The following TMEM108 variants were observed in gnomAD, a reference collection of about 807,000 sequenced individuals.
TMEM108 encodes the protein cancer/testis antigen 124.
A neutral mutation model predicts 35.1 loss-of-function variants in TMEM108; 12 were observed. That is an observed-to-expected ratio of 0.34 (90% CI 0.22 to 0.55). The LOEUF (loss-of-function observed/expected upper bound fraction) is 0.55, where lower values mean the gene tolerates loss of function less well. Ranked by LOEUF, TMEM108 falls within the 20% of genes least tolerant of loss-of-function variation. The pLI, the probability that TMEM108 is intolerant of heterozygous loss-of-function variation, is 0.89. For missense variants in TMEM108, 680 were observed against 753.3 expected, an observed-to-expected ratio of 0.90 and a Z score of 1.14; for synonymous variants, 287 against 308.6, an observed-to-expected ratio of 0.93 and a Z score of 0.73.
intron 3 of TMEM108, among the ~76,000 whole-genome samples, chr3:133,250,970 A>G (rs542318175): frequency 6.6e-6 from 1 of 152,286 alleles, no homozygotes; most frequent in Non-Finnish European, 1.5e-5. Flanking sequence ...CATGTTATCA[A>G]GACAAGAATC....
At chr3:133,172,806 G>C (rs1945149812) in intron 2 of TMEM108, among the ~76,000 whole-genome samples, 1 of 152,192 alleles carries the variant, frequency 6.6e-6, no homozygotes, top group South Asian at 2.1e-4. Flanking sequence ...TATTGCAGGA[G>C]GGACCTGGTG....
chr3:133,324,907 CGGA>C (rs1282124413), intron 3 of TMEM108, among the ~76,000 whole-genome samples: 1 of 152,070 alleles, frequency 6.6e-6, no homozygotes, highest in Non-Finnish European at 1.5e-5. Context: ...ACCTGGGAGA[CGGA>C]GGTTACAGTG....
intron 3 of TMEM108, among the ~76,000 whole-genome samples, chr3:133,295,031 A>G (rs553785097): frequency 9.2e-5 from 14 of 152,338 alleles, no homozygotes; most frequent in African/African-American, 3.4e-4. Flanking sequence ...TTTATGAAGT[A>G]TCCCCTCCCC....
At chr3:133,044,777 G>C (rs1040545380) in intron 1 of TMEM108, among the ~76,000 whole-genome samples, 19 of 152,260 alleles carry the variant, frequency 1.2e-4, no homozygotes, top group Non-Finnish European at 2.6e-4. Flanking sequence ...AACATAGTGA[G>C]ACTCCATCAC....
At chr3:133,174,873 A>T (rs1398392867) in intron 2 of TMEM108, among the ~76,000 whole-genome samples, 1 of 151,824 alleles carries the variant, frequency 6.6e-6, no homozygotes, top group Non-Finnish European at 1.5e-5. Context: ...CAATCAAACT[A>T]CTCCGAGCTA....
At chr3:133,187,989 A>T (rs947784587) in intron 2 of TMEM108, among the ~76,000 whole-genome samples, 1 of 151,162 alleles carries the variant, frequency 6.6e-6, no homozygotes, top group Non-Finnish European at 1.5e-5. Flanking sequence ...GCTGTCTTTT[A>T]GAGTTAATTT....
chr3:133,344,412 C>G (rs7613720), intron 3 of TMEM108, among the ~76,000 whole-genome samples: 1 of 151,456 alleles, frequency 6.6e-6, no homozygotes, highest in African/African-American at 2.4e-5. Flanking sequence ...TATAGAAATA[C>G]TTAAGGCATA....
At chr3:133,255,087 C>T (rs1946526824) in intron 3 of TMEM108, among the ~76,000 whole-genome samples, 1 of 152,178 alleles carries the variant, frequency 6.6e-6, no homozygotes, top group African/African-American at 2.4e-5. Context: ...TCTAACCTAC[C>T]TTCAGAGTCA....
At chr3:133,122,803 C>T (rs1282661153) in intron 2 of TMEM108, among the ~76,000 whole-genome samples, 3 of 141,842 alleles carry the variant, frequency 2.1e-5, no homozygotes, top group Admixed American at 7.7e-5. Context: ...GCAGAGCTTG[C>T]GGTGAGCTGA....
chr3:133,365,526 C>T (rs1280161339), intron 3 of TMEM108, among the ~76,000 whole-genome samples: 1 of 152,146 alleles, frequency 6.6e-6, no homozygotes, highest in African/African-American at 2.4e-5. Context: ...AAGCAAATCT[C>T]AGAGGCAAGG....
intron 3 of TMEM108, among the ~76,000 whole-genome samples, chr3:133,276,594 G>T (rs895040224): frequency 2.0e-5 from 3 of 152,270 alleles, no homozygotes; most frequent in African/African-American, 7.2e-5. Flanking sequence ...TGATTTGGGG[G>T]TTTCTTAATC....
Position 133,386,816 on chromosome 3 carries a change from A to G in TMEM108, c.1451-3364A>G, listed in dbSNP as rs143799412. The G allele has an allele frequency of 1.5e-3, 1,073 of 733,792 alleles. 2 individuals are homozygous for G. The highest frequency in any genetic ancestry group is 1.7e-3 in the Non-Finnish European group (1,014 of 588,336). The allele number at this position is 733,792 out of a possible 1,614,324, so 45.5% of individuals were successfully genotyped here. ...TACAGGATAGTGGATATCAACTTGA[A>G]GATCATCAAGACCTGGACTCAAGTT... On this transcript the variant is annotated intron_variant, in intron 4 of 5. Coordinates refer to ENST00000321871, the MANE Select transcript of TMEM108 (RefSeq NM_023943.4).
At chr3:133,333,703 G>A (rs2071432704) in intron 3 of TMEM108, among the ~76,000 whole-genome samples, 1 of 152,188 alleles carries the variant, frequency 6.6e-6, no homozygotes, top group Non-Finnish European at 1.5e-5. Context: ...AAAAAAGAAA[G>A]TTTTAAACAT....
intron 3 of TMEM108, among the ~76,000 whole-genome samples, chr3:133,297,009 G>C (rs1947155225): frequency 6.6e-6 from 1 of 152,134 alleles, no homozygotes; most frequent in Non-Finnish European, 1.5e-5. Context: ...ATAGAACAAG[G>C]CCCAGGTCTG....
chr3:133,382,515 G>T (rs911001268), intron 4 of TMEM108, among the ~76,000 whole-genome samples: 1 of 152,250 alleles, frequency 6.6e-6, no homozygotes, highest in African/African-American at 2.4e-5. Context: ...TCTCCCAAAA[G>T]GAAGCACAGC....
At chr3:133,350,578 TAAA>T (rs2071964315) in intron 3 of TMEM108, among the ~76,000 whole-genome samples, 1 of 152,082 alleles carries the variant, frequency 6.6e-6, no homozygotes, top group African/African-American at 2.4e-5. Context: ...ATTTGTCAAT[TAAA>T]AAATAAAAAC....
chr3:133,198,830 G>C (rs1002962328), intron 2 of TMEM108, among the ~76,000 whole-genome samples: 8 of 152,114 alleles, frequency 5.3e-5, no homozygotes, highest in Non-Finnish European at 1.2e-4. Context: ...ATGTCGGCCT[G>C]CCTTGCTAGG....
At chr3:133,252,411 G>T (rs1333274559) in intron 3 of TMEM108, among the ~76,000 whole-genome samples, 5 of 152,094 alleles carry the variant, frequency 3.3e-5, no homozygotes, top group Admixed American at 6.6e-5. Context: ...GAAAATTTTA[G>T]CAATGGAGTA....
At chr3:133,223,251 G>A (rs993368267) in intron 2 of TMEM108, among the ~76,000 whole-genome samples, 20 of 152,148 alleles carry the variant, frequency 1.3e-4, no homozygotes, top group African/African-American at 4.8e-4. Flanking sequence ...CCCTTTTTCA[G>A]TCAACCTGTC....
Sources: gnomAD v4.1 joint callset for allele counts (sites outside exome capture counted in the v4.1 genomes callset) on GRCh38, gnomAD v4.1.1 for gene constraint, MANE v1.5 for transcripts, NCBI Gene and HGNC (gene_info 2026-07-23, HGNC 2026-07-21) for gene names.